The following UPRT variants were observed in gnomAD, a reference collection of about 807,000 sequenced individuals.
The protein encoded by UPRT is uracil phosphoribosyltransferase homolog.
Under a neutral mutation model 22.6 loss-of-function variants are expected in UPRT, and 5 were observed. The ratio of observed to expected loss-of-function variants is 0.22; its 90% CI spans 0.12 to 0.47. UPRT has a LOEUF of 0.47. UPRT is among the 20% of genes least tolerant of loss of function. UPRT has a pLI of 0.99. For synonymous variants in UPRT, 77 were observed against 87.7 expected, an observed-to-expected ratio of 0.88 and a Z score of 0.68; for missense variants, 181 against 239.9, an observed-to-expected ratio of 0.75 and a Z score of 1.62.
At chrX:75,239,500 C>G (rs1019889255) in intron 4 of UPRT, among the ~76,000 whole-genome samples, 1 of 111,385 alleles carries the variant, frequency 9.0e-6, no homozygotes, top group African/African-American at 3.3e-5. Flanking sequence ...GATGCATTCA[C>G]AGCTGAATTC....
chrX:75,211,092 A>C (rs765772912), intron 4 of UPRT, among the ~76,000 whole-genome samples: 1 of 110,623 alleles, frequency 9.0e-6, no homozygotes, highest in Non-Finnish European at 1.9e-5. Flanking sequence ...GGGAGGTTCC[A>C]GATGAGACAC....
chrX:75,233,615 G>C (rs1315156825), intron 4 of UPRT, among the ~76,000 whole-genome samples: 1 of 111,355 alleles, frequency 9.0e-6, no homozygotes, highest in Non-Finnish European at 1.9e-5. Flanking sequence ...AGCCAGAAGA[G>C]AGTGGGGGCC....
At chrX:75,284,934 G>T (rs1173141206) in intron 1 of UPRT, among the ~76,000 whole-genome samples, 2 of 110,820 alleles carry the variant, frequency 1.8e-5, no homozygotes, top group African/African-American at 6.6e-5. Flanking sequence ...GCAGGGCTAG[G>T]TGTGTCTGAG....
At chrX:75,234,140 T>G (rs1271544502) in intron 4 of UPRT, among the ~76,000 whole-genome samples, 4 of 110,434 alleles carry the variant, frequency 3.6e-5, no homozygotes, top group African/African-American at 1.3e-4. Flanking sequence ...GCAATCCTAG[T>G]CTCTGATAAA....
chrX:75,254,329 T>TA (rs751463227), intron 4 of UPRT, among the ~76,000 whole-genome samples: 7 of 111,189 alleles, frequency 6.3e-5, no homozygotes, highest in Non-Finnish European at 1.1e-4. Flanking sequence ...ATAGCATAAA[T>TA]AAAAAACAAT....
chrX:75,279,135 T>C (rs1044847831), intron 1 of UPRT, among the ~76,000 whole-genome samples: 32 of 110,947 alleles, frequency 2.9e-4, no homozygotes, highest in African/African-American at 8.9e-4. Flanking sequence ...CAGTCTCCCT[T>C]GTGTGCTGAT....
chrX:75,188,854 G>C (rs185648088), intron 4 of UPRT, among the ~76,000 whole-genome samples: 1,977 of 111,916 alleles, frequency 0.018, 35 homozygotes, highest in Admixed American at 0.073. Context: ...CGCTTCCCGA[G>C]TGAGGCAATG....
chrX:75,233,377 T>G (rs5981819), intron 4 of UPRT, among the ~76,000 whole-genome samples: 32 of 111,100 alleles, frequency 2.9e-4, no homozygotes, highest in South Asian at 7.7e-4. Flanking sequence ...ATATTCTCCA[T>G]GAGAACTTCC....
intron 4 of UPRT, among the ~76,000 whole-genome samples, chrX:75,177,624 A>C (rs1167197843): frequency 9.0e-6 from 1 of 111,640 alleles, no homozygotes; most frequent in Non-Finnish European, 1.9e-5. Flanking sequence ...TGGAGGAGTG[A>C]CACCTTTTGT....
At chrX:75,178,608 G>A (rs761141063) in intron 4 of UPRT, among the ~76,000 whole-genome samples, 6 of 110,453 alleles carry the variant, frequency 5.4e-5, no homozygotes, top group African/African-American at 2.0e-4. Context: ...TGGTGGGTTC[G>A]TGGTCTCACT....
chrX:75,262,058 G>T (rs1160065996), intron 4 of UPRT, among the ~76,000 whole-genome samples: 1 of 111,587 alleles, frequency 9.0e-6, no homozygotes, highest in Non-Finnish European at 1.9e-5. Context: ...CCCACAAAAA[G>T]AAGCCCATCA....
intron 1 of UPRT, among the ~76,000 whole-genome samples, chrX:75,159,391 T>G (rs949827755): frequency 3.6e-5 from 4 of 112,433 alleles, no homozygotes; most frequent in Non-Finnish European, 7.5e-5. Flanking sequence ...AAATGTTTCT[T>G]TATTTGATTA....
At chrX:75,159,978 G>A (rs181689067) in intron 1 of UPRT, among the ~76,000 whole-genome samples, 2,307 of 108,970 alleles carry the variant, frequency 0.021, 71 homozygotes, top group African/African-American at 0.073. Context: ...GGGTTTCACC[G>A]AGGATTGTCT....
intron 1 of UPRT, among the ~76,000 whole-genome samples, chrX:75,284,699 G>T (rs1271858895): frequency 9.0e-6 from 1 of 111,010 alleles, no homozygotes; most frequent in African/African-American, 3.3e-5. Context: ...CAGTGGAGGT[G>T]GCAGGGGGGG....
At position 75,209,682 on chromosome X, in the gene UPRT, T is replaced by C. The variant is rs189527718; in HGVS notation, c.-447+41803T>C. On this transcript the variant is annotated intron_variant, in intron 4 of 13. Transcript: ENST00000652605. ...GCTACTGTTCCTGGCCCAGTGTTTC[T>C]TGATACCACAGATAGGGTAAGGTTT... Among the ~76,000 whole-genome samples, 4 of 112,514 alleles carry C rather than the reference T, an allele frequency of 3.6e-5. No homozygotes were observed. The Admixed American group carries it at 3.7e-4, about 11-fold the overall frequency.
intron 4 of UPRT, among the ~76,000 whole-genome samples, chrX:75,261,556 G>A (rs1201026675): frequency 9.0e-6 from 1 of 111,464 alleles, no homozygotes; most frequent in Admixed American, 9.6e-5. Flanking sequence ...CCAAAGTCTG[G>A]GACCGGAATG....
At chrX:75,303,016 C>G (rs1341914582) in intron 6 of UPRT, among the ~76,000 whole-genome samples, 2 of 111,147 alleles carry the variant, frequency 1.8e-5, no homozygotes, top group Non-Finnish European at 3.8e-5. Context: ...TCTGAGATTA[C>G]AGGCTTGAGC....
At chrX:75,223,109 CA>C (rs1361988672) in intron 4 of UPRT, among the ~76,000 whole-genome samples, 1 of 109,670 alleles carries the variant, frequency 9.1e-6, no homozygotes, top group Non-Finnish European at 1.9e-5. Context: ...TCCTTTTGGC[CA>C]AAGGTGTGTC....
At position 75,267,751 on chromosome X, in the gene UPRT, A is replaced by G. The variant is rs765659631; in HGVS notation, c.-446-23273A>G. Among the ~76,000 whole-genome samples the G allele has an allele frequency of 2.7e-5, 3 of 111,922 alleles. No homozygotes were observed. The South Asian group carries it at 1.1e-3, about 42-fold the overall frequency. ...CAACATAGCAGAATCTTTGGGACACATTTAGAGCATTGTTTAGAGGGAAAT... is the reference window on the plus strand; with the variant it reads ...CAACATAGCAGAATCTTTGGGACACGTTTAGAGCATTGTTTAGAGGGAAAT... On this transcript the variant is annotated intron_variant, in intron 4 of 13. Coordinates refer to the UPRT transcript ENST00000652605.
Sources: gnomAD v4.1 joint callset for allele counts (sites outside exome capture counted in the v4.1 genomes callset) on GRCh38, gnomAD v4.1.1 for gene constraint, MANE v1.5 for transcripts, NCBI Gene and HGNC (gene_info 2026-07-23, HGNC 2026-07-21) for gene names.